Variants in PTPRN2 observed in about 807,000 individuals in gnomAD.
PTPRN2 encodes receptor-type tyrosine-protein phosphatase N2.
In PTPRN2, 74 loss-of-function variants were observed where a neutral mutation model predicts 118.8. That is an observed-to-expected ratio of 0.62 (90% CI 0.52 to 0.76). The LOEUF (loss-of-function observed/expected upper bound fraction) is 0.76. PTPRN2 is among the 30% of genes least tolerant of loss of function. PTPRN2 has a pLI of 0.00. For missense variants in PTPRN2, 1,481 were observed against 1,394.4 expected (o/e 1.06, Z -0.99); for synonymous variants, 641 against 608.0 (o/e 1.05, Z -0.80).
intron 1 of PTPRN2, among the ~76,000 whole-genome samples, chr7:158,532,470 G>A (rs1174904940): frequency 6.6e-6 from 1 of 152,188 alleles, no homozygotes; most frequent in Non-Finnish European, 1.5e-5. Context: ...ACAGCCATGA[G>A]ATTTGCTCAG....
intron 11 of PTPRN2, among the ~76,000 whole-genome samples, chr7:157,911,602 A>G (rs1798110891): frequency 6.6e-6 from 1 of 152,214 alleles, no homozygotes; most frequent in South Asian, 2.1e-4. Context: ...ATATTATAAA[A>G]TATGTGTTGG....
intron 11 of PTPRN2, among the ~76,000 whole-genome samples, chr7:157,900,236 C>T (rs1797363989): frequency 6.6e-6 from 1 of 152,252 alleles, no homozygotes; most frequent in African/African-American, 2.4e-5. Context: ...GGCTCTGTCG[C>T]AGCTACTCAG....
chr7:158,523,346 T>G (rs998021075), intron 1 of PTPRN2, among the ~76,000 whole-genome samples: 4 of 150,888 alleles, frequency 2.7e-5, no homozygotes, highest in Non-Finnish European at 4.4e-5. Context: ...ACAGCGAGTC[T>G]GCCCTGAAGT....
rs1779757233 is a variant in PTPRN2, at chr7:157,953,613, C to T, written c.1724-54876G>A. Reference sequence around the variant, plus strand: ...GACTTCTATGACATCCTGACACTGCCCTGCTTGGACACTCTCTGGACAGGA... The same window carrying T: ...GACTTCTATGACATCCTGACACTGCTCTGCTTGGACACTCTCTGGACAGGA... On this transcript the variant is annotated intron_variant, in intron 11 of 22. Transcript: ENST00000389418. This position sits in a 1 kb window ranked among gnomAD's most constrained non-coding sequence, Gnocchi z 4.6. Among the ~76,000 whole-genome samples the T allele has an allele frequency of 6.6e-6, 1 of 152,042 alleles. No individual in the cohort carries two copies. Among genetic ancestry groups the T allele is most frequent in the Non-Finnish European group, 1.5e-5 (1 of 67,990 alleles).
At chr7:157,888,499 C>T (rs1057495149) in intron 12 of PTPRN2, among the ~76,000 whole-genome samples, 6 of 152,270 alleles carry the variant, frequency 3.9e-5, no homozygotes, top group African/African-American at 1.4e-4. Context: ...CCAGGGGCCC[C>T]GTCAGGAACG....
intron 2 of PTPRN2, among the ~76,000 whole-genome samples, chr7:158,358,754 G>C (rs1341141487): frequency 6.6e-6 from 1 of 152,226 alleles, no homozygotes; most frequent in Non-Finnish European, 1.5e-5. Flanking sequence ...AGATGGTCAG[G>C]TTCACAGAAG....
chr7:157,887,147 A>T (rs1796501470), intron 12 of PTPRN2, among the ~76,000 whole-genome samples: 1 of 151,616 alleles, frequency 6.6e-6, no homozygotes, highest in African/African-American at 2.4e-5. Context: ...CTGACCTCTG[A>T]CCTCCCACCA....
rs199953635 is a variant in PTPRN2, at chr7:158,316,884, C to T, written c.212G>A (p.Arg71His). The stretch of plus-strand genomic sequence containing the variant: ...CAGGGCCACGGGCGACACCTCGTAG[C>T]GGTAAAAGTCCATTGCCGGAACCTT... ...CQKVPAMDFY[R>H]YEVSPVALQR... The change falls in exon 3 of 23, where the codon CGC becomes CAC. Residue 71 changes from arginine (R) to histidine (H), a missense_variant. Arg to His is a conservative substitution (Grantham distance 29). Coordinates refer to ENST00000389418, the MANE Select transcript of PTPRN2 (RefSeq NM_002847.5). 1.5e-4 allele frequency: 241 copies of T among 1,612,572 alleles called. 4 individuals carry two copies. The South Asian group carries it at 1.7e-3, about 11-fold the overall frequency.
intron 3 of PTPRN2, among the ~76,000 whole-genome samples, chr7:158,260,928 G>A (rs1034180840): frequency 6.6e-6 from 1 of 152,170 alleles, no homozygotes; most frequent in Admixed American, 6.5e-5. Context: ...AGAGACAGGG[G>A]AGGAGAGAGG....
rs1379803538 is a variant in PTPRN2 at position 158,570,069 on chromosome 7, C to T, written c.112+17489G>A. On this transcript the variant is annotated intron_variant, in intron 1 of 22. Coordinates refer to ENST00000389418, the MANE Select transcript of PTPRN2 (RefSeq NM_002847.5). The surrounding 1 kb of genome is among the most constrained non-coding windows in gnomAD (Gnocchi z 4.5). Reference sequence around the variant, plus strand: ...CCTCAGGCGCGTCCTCCACCCGTTTCCCCCAGGCAGGGGGAAGCCCCGAGA... The same window carrying T: ...CCTCAGGCGCGTCCTCCACCCGTTTTCCCCAGGCAGGGGGAAGCCCCGAGA... Among the ~76,000 whole-genome samples, 3 of 152,176 alleles carry T rather than the reference C, an allele frequency of 2.0e-5. No individual in the cohort carries two copies. Among genetic ancestry groups the T allele is most frequent in the Admixed American group, 6.5e-5 (1 of 15,282 alleles).
chr7:158,491,329 C>T (rs1442162077), intron 1 of PTPRN2, among the ~76,000 whole-genome samples: 1 of 152,188 alleles, frequency 6.6e-6, no homozygotes, highest in East Asian at 1.9e-4. Context: ...CTGGCCTGCC[C>T]AGCCAGTGCC....
rs552423038 is a variant in PTPRN2, at chr7:158,146,309, C to G, written c.911-7794G>C. On this transcript the variant is annotated intron_variant, in intron 6 of 22. Transcript: ENST00000389418. ...AACCTATATTTAAAAAAATATGAAC[C>G]TCTCATTAAAGTCAAAGCCCAGTCT... is the stretch of plus-strand genomic sequence containing the variant. 2.0e-5 allele frequency among the ~76,000 whole-genome samples: 3 copies of G among 152,226 alleles called. No homozygotes were observed. In the South Asian group the frequency reaches 6.2e-4, roughly 32 times the overall value.
At chr7:158,138,245 C>T (rs769683460) in intron 7 of PTPRN2, 49 bp downstream of exon 7, 2 of 1,566,106 alleles carry the variant, frequency 1.3e-6, no homozygotes, top group South Asian at 1.1e-5. Context: ...CTGAGGCCTC[C>T]CCTCCCCGCA....
At chr7:157,993,480 C>T (rs1442598142) in intron 11 of PTPRN2, among the ~76,000 whole-genome samples, 1 of 152,048 alleles carries the variant, frequency 6.6e-6, no homozygotes. Flanking sequence ...CCACCCAGGG[C>T]CAGGAACCAC....
chr7:158,363,277 G>A (rs1344481503), intron 2 of PTPRN2, among the ~76,000 whole-genome samples: 1 of 151,996 alleles, frequency 6.6e-6, no homozygotes, highest in African/African-American at 2.4e-5. Flanking sequence ...GGCCATGAGA[G>A]GCTATGGGAG....
At chr7:158,298,842 C>T (rs892045453) in intron 3 of PTPRN2, among the ~76,000 whole-genome samples, 1 of 152,216 alleles carries the variant, frequency 6.6e-6, no homozygotes, top group Admixed American at 6.5e-5. Context: ...AAAGTAAAAA[C>T]AGCACAGCCC....
chr7:158,521,168 G>A (rs1423901145), intron 1 of PTPRN2, among the ~76,000 whole-genome samples: 2 of 152,170 alleles, frequency 1.3e-5, no homozygotes, highest in East Asian at 3.8e-4. Context: ...TTTTATTGTT[G>A]TATTGTTATT....
At chr7:158,152,672 C>A (rs948705513) in intron 6 of PTPRN2, among the ~76,000 whole-genome samples, 1 of 152,230 alleles carries the variant, frequency 6.6e-6, no homozygotes, top group African/African-American at 2.4e-5. Context: ...CCCAAGACCA[C>A]CCTGGCCCCT....
intron 2 of PTPRN2, among the ~76,000 whole-genome samples, chr7:158,367,696 C>T (rs933155724): frequency 6.6e-6 from 1 of 152,080 alleles, no homozygotes; most frequent in African/African-American, 2.4e-5. Flanking sequence ...AGTTTTTTTC[C>T]AGAGAGTAAA....
Sources: gnomAD v4.1 joint callset for allele counts (sites outside exome capture counted in the v4.1 genomes callset) on GRCh38, gnomAD v4.1.1 for gene constraint, Gnocchi (gnomAD v3.1) non-coding constraint, MANE v1.5 for transcripts, NCBI Gene and HGNC (gene_info 2026-07-23, HGNC 2026-07-21) for gene names.